Variants in TPCN2 observed in about 807,000 individuals in gnomAD.
TPCN2 encodes the protein two pore channel protein 2.
A neutral mutation model predicts 111.4 loss-of-function variants in TPCN2; 92 were observed. The observed-to-expected ratio is 0.83, with a 90% CI of 0.70 to 0.98. The LOEUF (loss-of-function observed/expected upper bound fraction) is 0.98. Among genes scored for constraint, TPCN2 ranks in the 50% least tolerant of loss-of-function variants. The pLI, the probability that TPCN2 is intolerant of heterozygous loss-of-function variation, is 0.00. For missense variants in TPCN2, 995 were observed against 980.1 expected, an observed-to-expected ratio of 1.02 and a Z score of -0.20; for synonymous variants, 405 against 414.5, an observed-to-expected ratio of 0.98 and a Z score of 0.28.
chr11:69,078,914 T>C lies in TPCN2; in HGVS notation c.1433T>C (p.Val478Ala). ...ILGILNCVFI[V>A]YYLLEMLLKV... ...CAGATTCTCAACTGCGTCTTCATTG[T>C]GTACTACCTGTTGGAGATGCTGCTC... Residue 478 changes from valine to alanine, a missense_variant, in exon 16 of 25, where the codon GTG (valine) becomes GCG (alanine). Val to Ala is a moderately conservative substitution (Grantham distance 64, BLOSUM62 0). Coordinates refer to ENST00000294309, the MANE Select transcript of TPCN2 (RefSeq NM_139075.4). The C allele has an allele frequency of 6.2e-7, 1 of 1,614,140 alleles. No homozygotes were observed. The highest frequency in any genetic ancestry group is 2.2e-5 in the East Asian group (1 of 44,882).
Position 69,054,108 on chromosome 11 carries a change from C to T in TPCN2, c.174+11C>T, listed in dbSNP as rs752706822. On this transcript the variant is annotated intron_variant, in intron 2 of 24. Coordinates refer to ENST00000294309, the MANE Select transcript of TPCN2 (RefSeq NM_139075.4). ...GAAGATGCTATTCAGGTCGGTGGCACCTGCTCCCTGTGGCCGGGCCTGGGG... is the reference window on the plus strand; with the variant it reads ...GAAGATGCTATTCAGGTCGGTGGCATCTGCTCCCTGTGGCCGGGCCTGGGG... 9 of 1,611,824 alleles carry T rather than the reference C, an allele frequency of 5.6e-6. No homozygotes were observed. The highest frequency in any genetic ancestry group is 1.3e-5 in the African/African-American group (1 of 75,020).
intron 17 of TPCN2, among the ~76,000 whole-genome samples, chr11:69,080,426 G>C (rs1181391549): frequency 2.6e-5 from 4 of 152,362 alleles, no homozygotes; most frequent in South Asian, 2.1e-4. Context: ...CGGGGTTCTG[G>C]CCATGAAGAG....
chr11:69,072,024 G>A lies in TPCN2; in HGVS notation c.1061+1G>A, dbSNP rs760013279. 4.3e-6 allele frequency: 7 copies of A among 1,611,744 alleles called. No homozygotes were observed. Among genetic ancestry groups the A allele is most frequent in the African/African-American group, 1.3e-5 (1 of 74,912 alleles). On this transcript the variant is annotated splice_donor_variant, in intron 11 of 24. Transcript: ENST00000294309. LOFTEE classifies it high-confidence loss of function. ...GGGAGGGAGGAGCCTTCCCTCAGGC[G>A]TGAGTGCTGGGCATGGACCCTCTTC... is the stretch of plus-strand genomic sequence containing the variant.
chr11:69,066,303 G>A (rs1855271161), intron 7 of TPCN2, among the ~76,000 whole-genome samples: 1 of 152,086 alleles, frequency 6.6e-6, no homozygotes, highest in African/African-American at 2.4e-5. Context: ...GCCTTGCTCT[G>A]CTCCTCCACT....
chr11:69,081,316 C>T (rs1258693848), intron 17 of TPCN2, 84 bp from the exon 18 acceptor site: 12 of 895,822 alleles, frequency 1.3e-5, no homozygotes, highest in African/African-American at 3.3e-5. Context: ...CCTGCGCCTC[C>T]GTCCAGGAAC....
intron 18 of TPCN2, among the ~76,000 whole-genome samples, chr11:69,081,846 A>T (rs181308462): frequency 1.3e-5 from 2 of 152,148 alleles, no homozygotes; most frequent in African/African-American, 4.8e-5. Flanking sequence ...CATGGCTCCC[A>T]GGGTGCTATT....
At chr11:69,075,161 G>A (rs1855700413) in intron 13 of TPCN2, among the ~76,000 whole-genome samples, 1 of 152,168 alleles carries the variant, frequency 6.6e-6, no homozygotes, top group South Asian at 2.1e-4. Context: ...TGGGCTTTGA[G>A]ATGGGAGTTT....
intron 7 of TPCN2, among the ~76,000 whole-genome samples, chr11:69,066,343 C>T (rs548303383): frequency 2.0e-4 from 31 of 152,288 alleles, no homozygotes; most frequent in African/African-American, 5.8e-4. Flanking sequence ...AGGAGGGGCC[C>T]GCCTAGCTCT....
At chr11:69,050,481 G>A (rs924835562) in intron 1 of TPCN2, among the ~76,000 whole-genome samples, 8 of 152,184 alleles carry the variant, frequency 5.3e-5, no homozygotes, top group Non-Finnish European at 1.2e-4. Context: ...GGGTTGAAGC[G>A]ATTCTCCCGC....
chr11:69,085,239 G>A lies in TPCN2; in HGVS notation c.1791G>A (p.Gly597=), dbSNP rs1482752350. 2 of 1,602,226 alleles carry A rather than the reference G, an allele frequency of 1.2e-6. No homozygotes were observed. The highest frequency in any genetic ancestry group is 1.7e-6 in the Non-Finnish European group (2 of 1,172,414). Reference sequence around the variant, plus strand: ...TCTACTACGTATTTGCCATCATTGGGATCAACTTGTTTAGAGGCGTCATTG... The same window carrying A: ...TCTACTACGTATTTGCCATCATTGGAATCAACTTGTTTAGAGGCGTCATTG... ...VVVYYVFAII[G]INLFRGVIVA... The change falls in exon 20 of 25, where the codon GGG becomes GGA. Residue 597 remains glycine, a synonymous_variant. Transcript: ENST00000294309.
chr11:69,084,108 C>A, intron 19 of TPCN2, 92 bp downstream of exon 19: 1 of 1,306,998 alleles, frequency 7.7e-7, no homozygotes, highest in South Asian at 1.2e-5. Flanking sequence ...GCTCACTGCT[C>A]TGTCGGTAGG....
rs547578144 is a variant in TPCN2, at chr11:69,048,994, C to T, written c.-4C>T. ...AGGGTCGGGTCCAGCGCGTGGGCTG[C>T]TGGATGGCGGAACCCCAGGCGGAGT... On this transcript the variant is annotated 5_prime_UTR_variant, in exon 1 of 25. Coordinates refer to ENST00000294309, the MANE Select transcript of TPCN2 (RefSeq NM_139075.4). The T allele has an allele frequency of 4.4e-5, 54 of 1,237,714 alleles. No individual in the cohort carries two copies. Among genetic ancestry groups the T allele is most frequent in the Admixed American group, 1.7e-4 (4 of 23,704 alleles). 76.7% of individuals were successfully genotyped at this position (1,237,714 alleles called of 1,614,324 possible).
chr11:69,070,725 GTTCACCCCAGGGATCCCCCACCAACAGC>G (rs1855487737), intron 9 of TPCN2, among the ~76,000 whole-genome samples: 1 of 120,602 alleles, frequency 8.3e-6, no homozygotes, highest in African/African-American at 3.3e-5. Flanking sequence ...CCGCCAACAG[GTTCACCCCAGGGATCCCCCACCAACAGC>G]TTCACCCCAG....
chr11:69,063,978 C>G lies in TPCN2; in HGVS notation c.726+11C>G. ...TTCGCTGGTGGGAAGGTAGGGCACC[C>G]GTGGTCAGGGTCTGGGAATGGGGCT... On this transcript the variant is annotated intron_variant, in intron 7 of 24. Transcript: ENST00000294309. 6.2e-7 allele frequency: 1 copy of G among 1,613,640 alleles called. No individual in the cohort carries two copies.
At chr11:69,050,797 T>C (rs1048214304) in intron 1 of TPCN2, among the ~76,000 whole-genome samples, 2 of 152,194 alleles carry the variant, frequency 1.3e-5, no homozygotes, top group East Asian at 3.8e-4. Flanking sequence ...GGCGGGCTGG[T>C]GTGGGGGCCA....
chr11:69,079,731 T>G, intron 16 of TPCN2, 103 bp from the exon 17 acceptor site: 1 of 1,120,128 alleles, frequency 8.9e-7, no homozygotes, highest in Non-Finnish European at 1.3e-6. Flanking sequence ...CAAAAGCCCC[T>G]TTTGGGGAGA....
intron 5 of TPCN2, among the ~76,000 whole-genome samples, chr11:69,059,323 C>T: frequency 6.8e-6 from 1 of 146,120 alleles, no homozygotes; most frequent in East Asian, 2.3e-4. Context: ...TTTCCATGAA[C>T]AAGCTATGGT....
intron 23 of TPCN2, 89 bp from the exon 24 acceptor site, chr11:69,087,023 C>T: frequency 1.8e-6 from 2 of 1,139,868 alleles, no homozygotes; most frequent in Non-Finnish European, 2.6e-6. Flanking sequence ...CAGCGGGTGC[C>T]CTGTGGCTGA....
chr11:69,056,120 T>C (rs535031748), intron 4 of TPCN2, among the ~76,000 whole-genome samples: 1 of 152,350 alleles, frequency 6.6e-6, no homozygotes, highest in African/African-American at 2.4e-5. Context: ...AGTGCTGCGG[T>C]CTCAGGGGCC....
Sources: gnomAD v4.1 joint callset for allele counts (sites outside exome capture counted in the v4.1 genomes callset) on GRCh38, gnomAD v4.1.1 for gene constraint, MANE v1.5 for transcripts, NCBI Gene and HGNC (gene_info 2026-07-23, HGNC 2026-07-21) for gene names.